SLMAP: variants seen among roughly 807,000 people sequenced by gnomAD.
SLMAP encodes sarcolemmal membrane-associated protein.
A neutral mutation model predicts 128.8 loss-of-function variants in SLMAP; 44 were observed. That is an observed-to-expected ratio of 0.34 (90% CI 0.27 to 0.44). The LOEUF is 0.44. Ranked by LOEUF, SLMAP falls within the 20% of genes least tolerant of loss-of-function variation. The probability of loss-of-function intolerance (pLI) is 1.00; values close to 1 mark genes in which losing one functional copy is unlikely to be tolerated. For missense variants in SLMAP, 787 were observed against 985.3 expected, an observed-to-expected ratio of 0.80 and a Z score of 2.69; for synonymous variants, 327 against 348.8, an observed-to-expected ratio of 0.94 and a Z score of 0.70.
chr3:57,881,062 C>G (rs912467768), intron 14 of SLMAP, among the ~76,000 whole-genome samples: 1 of 152,044 alleles, frequency 6.6e-6, no homozygotes. Flanking sequence ...GGCATGGTGG[C>G]GCGCGCCTGT....
At chr3:57,803,744 A>T (rs1302526804) in intron 2 of SLMAP, among the ~76,000 whole-genome samples, 1 of 152,130 alleles carries the variant, frequency 6.6e-6, no homozygotes, top group Non-Finnish European at 1.5e-5. Context: ...TGGGCCAGAG[A>T]GCTGCATGCT....
chr3:57,865,239 T>A lies in SLMAP; in HGVS notation c.1187-3T>A. The A allele has an allele frequency of 6.7e-7, 1 of 1,485,820 alleles. No individual in the cohort carries two copies. Among genetic ancestry groups the A allele is most frequent in the Non-Finnish European group, 9.1e-7 (1 of 1,096,422 alleles). The allele number at this position is 1,485,820 out of a possible 1,614,324, so 92.0% of individuals were successfully genotyped here. ...AGGCAATGATATACTGTCTTAATCC[T>A]AGGGATACAAGTTGATGACTTCTTA... is the stretch of plus-strand genomic sequence containing the variant. On this transcript the variant is annotated splice_region_variant and splice_polypyrimidine_tract_variant and intron_variant, in intron 12 of 24. Coordinates refer to ENST00000671191, the MANE Select transcript of SLMAP (RefSeq NM_001377540.1).
rs1178815150 is a variant in SLMAP at position 57,928,626 on chromosome 3, T to C, written c.*1337T>C. On this transcript the variant is annotated 3_prime_UTR_variant, in exon 25 of 25. Coordinates refer to ENST00000671191, the MANE Select transcript of SLMAP (RefSeq NM_001377540.1). ...GTTATGTCAATAAAGTTTATTTAGG[T>C]CATAGAATATCCTAAAGTATCACAT... 1 of 152,184 alleles carries C rather than the reference T, an allele frequency of 6.6e-6. No individual in the cohort carries two copies. Among genetic ancestry groups the C allele is most frequent in the Non-Finnish European group, 1.5e-5 (1 of 68,006 alleles). The allele number at this position is 152,184 out of a possible 1,614,324, so 9.4% of individuals were successfully genotyped here. A position where few individuals can be genotyped will look rare whatever the true frequency, so the allele number is the denominator to read the frequency against.
chr3:57,873,487 AGTGAGACTCC>A (rs1199164234), intron 14 of SLMAP, among the ~76,000 whole-genome samples: 1 of 152,188 alleles, frequency 6.6e-6, no homozygotes, highest in Non-Finnish European at 1.5e-5. Context: ...TAGGCGACAG[AGTGAGACTCC>A]GTCTCAAAAA....
intron 2 of SLMAP, among the ~76,000 whole-genome samples, chr3:57,790,047 C>T (rs911683213): frequency 2.0e-5 from 3 of 152,018 alleles, no homozygotes; most frequent in Admixed American, 6.6e-5. Flanking sequence ...ATGTTGGCCA[C>T]GCTGGTCTTG....
At chr3:57,863,214 A>G (rs1396875176) in intron 10 of SLMAP, among the ~76,000 whole-genome samples, 2 of 152,204 alleles carry the variant, frequency 1.3e-5, no homozygotes, top group African/African-American at 4.8e-5. Flanking sequence ...CATCTAGGAT[A>G]AGGACAGATC....
chr3:57,909,268 G>A (rs2096636723), intron 19 of SLMAP, 118 bp downstream of exon 19: 12 of 675,412 alleles, frequency 1.8e-5, no homozygotes, highest in Non-Finnish European at 2.6e-5. Context: ...TTGGGAGGCC[G>A]AGAAGGGTGG....
chr3:57,791,239 A>G (rs1468465499), intron 2 of SLMAP, among the ~76,000 whole-genome samples: 1 of 152,126 alleles, frequency 6.6e-6, no homozygotes, highest in African/African-American at 2.4e-5. Flanking sequence ...GCATGCCTGT[A>G]ATTCCAGCTA....
intron 14 of SLMAP, among the ~76,000 whole-genome samples, chr3:57,883,518 A>T (rs770140298): frequency 4.6e-5 from 7 of 152,336 alleles, no homozygotes; most frequent in Middle Eastern, 3.4e-3. Flanking sequence ...AAGCACATAA[A>T]AGTAGGAGTG....
chr3:57,864,646 G>A lies in SLMAP; in HGVS notation c.1065G>A (p.Glu355=), dbSNP rs1235811115. 2.5e-6 allele frequency: 4 copies of A among 1,598,820 alleles called. No homozygotes were observed. Among genetic ancestry groups the A allele is most frequent in the Non-Finnish European group, 2.6e-6 (3 of 1,176,184 alleles). ...KIDEMEEKEQ[E]LQAKIEALQA... ...ATGAAATGGAAGAAAAAGAACAGGAGCTCCAGGCAAAAATAGAAGCTTTGC... is the reference window on the plus strand; with the variant it reads ...ATGAAATGGAAGAAAAAGAACAGGAACTCCAGGCAAAAATAGAAGCTTTGC... The change falls in exon 11 of 25, where the codon GAG becomes GAA. Residue 355 remains glutamate (E), a synonymous_variant. Coordinates refer to ENST00000671191, the MANE Select transcript of SLMAP (RefSeq NM_001377540.1).
chr3:57,852,453 G>A (rs533724315), intron 6 of SLMAP, among the ~76,000 whole-genome samples: 2 of 152,242 alleles, frequency 1.3e-5, no homozygotes, highest in South Asian at 4.1e-4. Context: ...TGGAAAAGTT[G>A]TTTAACCCTT....
At chr3:57,846,670 C>T (rs1383067896) in intron 4 of SLMAP, among the ~76,000 whole-genome samples, 1 of 151,024 alleles carries the variant, frequency 6.6e-6, no homozygotes, top group Non-Finnish European at 1.5e-5. Flanking sequence ...GATTCTTATG[C>T]TTCAGCCTCC....
At chr3:57,860,450 T>G (rs1275391488) in intron 8 of SLMAP, among the ~76,000 whole-genome samples, 1 of 152,186 alleles carries the variant, frequency 6.6e-6, no homozygotes, top group Non-Finnish European at 1.5e-5. Context: ...TTTTGTATAT[T>G]TTAGGGAAAT....
Position 57,927,413 on chromosome 3 carries a change from G to A in SLMAP, c.*124G>A, listed in dbSNP as rs371666554. On this transcript the variant is annotated 3_prime_UTR_variant, in exon 25 of 25. Coordinates refer to ENST00000671191, the MANE Select transcript of SLMAP (RefSeq NM_001377540.1). Reference sequence around the variant, plus strand: ...AGAGCGTTCCTTGAGTCCGTACACCGTCCTCCCTCTAGAAGCTGGCATCAC... The same window carrying A: ...AGAGCGTTCCTTGAGTCCGTACACCATCCTCCCTCTAGAAGCTGGCATCAC... The A allele has an allele frequency of 1.3e-5, 19 of 1,427,242 alleles. No individual in the cohort carries two copies. The highest frequency in any genetic ancestry group is 1.3e-4 in the African/African-American group (9 of 71,972). 88.4% of individuals were successfully genotyped at this position (1,427,242 alleles called of 1,614,324 possible).
intron 14 of SLMAP, among the ~76,000 whole-genome samples, chr3:57,885,017 C>A (rs933370066): frequency 2.2e-4 from 33 of 151,454 alleles, no homozygotes; most frequent in Admixed American, 1.9e-3. Flanking sequence ...AACAAAAAAA[C>A]ACACACAGAA....
At chr3:57,857,114 T>C (rs1476080432) in intron 6 of SLMAP, among the ~76,000 whole-genome samples, 1 of 152,140 alleles carries the variant, frequency 6.6e-6, no homozygotes, top group African/African-American at 2.4e-5. Flanking sequence ...TGTATGTTTT[T>C]AAAAACTTGC....
intron 13 of SLMAP, 115 bp downstream of exon 13, chr3:57,865,407 T>A (rs1252760809): frequency 2.2e-6 from 1 of 448,438 alleles, no homozygotes; most frequent in Non-Finnish European, 3.9e-6. Context: ...CTCTCACAGA[T>A]CATTGAACCC....
At chr3:57,860,949 TTCTG>T in intron 9 of SLMAP, 110 bp downstream of exon 9, 1 of 883,432 alleles carries the variant, frequency 1.1e-6, no homozygotes, top group Non-Finnish European at 1.7e-6. Context: ...AGGAAATACT[TTCTG>T]TCTGTCAGGT....
chr3:57,831,281 A>G (rs1553852803), intron 2 of SLMAP, 102 bp from the exon 3 acceptor site: 37 of 752,850 alleles, frequency 4.9e-5, no homozygotes, highest in Non-Finnish European at 5.8e-6. Context: ...GGAAAAATTC[A>G]CTTGCAATAG....
Sources: gnomAD v4.1 joint callset for allele counts (sites outside exome capture counted in the v4.1 genomes callset) on GRCh38, gnomAD v4.1.1 for gene constraint, MANE v1.5 for transcripts, NCBI Gene and HGNC (gene_info 2026-07-23, HGNC 2026-07-21) for gene names.